ENPP2: variants seen among roughly 807,000 people sequenced by gnomAD.
ENPP2 encodes the protein ectonucleotide pyrophosphatase/phosphodiesterase 2, also known as autotaxin.
Under a neutral mutation model 120.2 loss-of-function variants are expected in ENPP2, and 51 were observed. The observed-to-expected ratio is 0.42, with a 90% CI of 0.34 to 0.54. The LOEUF (loss-of-function observed/expected upper bound fraction) is 0.54. Among genes scored for constraint, ENPP2 ranks in the 20% least tolerant of loss-of-function variants. ENPP2 has a pLI of 0.04. For synonymous variants in ENPP2, 365 were observed against 366.4 expected (o/e 1.00, Z 0.04); for missense variants, 920 against 1,066.5 (o/e 0.86, Z 1.91).
At chr8:119,626,042 GA>G (rs149710626) in intron 3 of ENPP2, among the ~76,000 whole-genome samples, 1 of 151,910 alleles carries the variant, frequency 6.6e-6, no homozygotes, top group Non-Finnish European at 1.5e-5. Context: ...GGGAAAGCAA[GA>G]AAAAAAATTT....
chr8:119,587,172 C>T, intron 13 of ENPP2, 97 bp from the exon 14 acceptor site: 2 of 957,278 alleles, frequency 2.1e-6, no homozygotes, highest in East Asian at 5.2e-5. Flanking sequence ...CTCCTTCCAT[C>T]CCACAGAAGA....
intron 1 of ENPP2, among the ~76,000 whole-genome samples, chr8:119,661,759 G>T (rs930640385): frequency 6.6e-6 from 1 of 152,054 alleles, no homozygotes; most frequent in African/African-American, 2.4e-5. Flanking sequence ...CCAAAATATG[G>T]AATCAAGTTA....
At chr8:119,659,945 C>T (rs1047944350) in intron 1 of ENPP2, among the ~76,000 whole-genome samples, 1 of 152,186 alleles carries the variant, frequency 6.6e-6, no homozygotes. Flanking sequence ...GTCCAGCAAT[C>T]ACTGGATAAA....
At chr8:119,664,815 C>G (rs1189816724) in intron 1 of ENPP2, among the ~76,000 whole-genome samples, 1 of 152,126 alleles carries the variant, frequency 6.6e-6, no homozygotes, top group African/African-American at 2.4e-5. Flanking sequence ...GTGGAACACG[C>G]CTGTAGTCCC....
chr8:119,642,093 C>A (rs898704188), upstream of ENPP2, among the ~76,000 whole-genome samples: 2 of 152,186 alleles, frequency 1.3e-5, no homozygotes, highest in African/African-American at 4.8e-5. Context: ...CTATTTATAA[C>A]TGGATGATGA....
At chr8:119,617,288 A>G in intron 6 of ENPP2, 45 bp from the exon 7 acceptor site, 5 of 1,467,384 alleles carry the variant, frequency 3.4e-6, no homozygotes, top group Non-Finnish European at 4.8e-6. Flanking sequence ...ACCAACAGGA[A>G]TTGCTTATAG....
chr8:119,652,394 T>C (rs1277448800), intron 1 of ENPP2, among the ~76,000 whole-genome samples: 1 of 152,166 alleles, frequency 6.6e-6, no homozygotes, highest in Non-Finnish European at 1.5e-5. Context: ...TAAGATGCCA[T>C]ATCCTGAGAA....
At chr8:119,568,493 G>C (rs1814677420) in intron 21 of ENPP2, among the ~76,000 whole-genome samples, 1 of 151,556 alleles carries the variant, frequency 6.6e-6, no homozygotes, top group Non-Finnish European at 1.5e-5. Context: ...TTTTCTTACT[G>C]TCTACTTCTT....
chr8:119,613,501 A>G lies in ENPP2; in HGVS notation c.777+2764T>C, dbSNP rs150914953. ...AATGTCTTGCATGGTTTAGTCCCTCAGTAAAAATAAATTGAGTTTAATTTA... is the reference window on the plus strand; with the variant it reads ...AATGTCTTGCATGGTTTAGTCCCTCGGTAAAAATAAATTGAGTTTAATTTA... On this transcript the variant is annotated intron_variant, in intron 8 of 24. Transcript: ENST00000075322. Among the ~76,000 whole-genome samples, 841 of 152,316 alleles carry G rather than the reference A, an allele frequency of 5.5e-3. 7 individuals carry two copies. Among genetic ancestry groups the G allele is most frequent in the African/African-American group, 0.019 (773 of 41,580 alleles).
chr8:119,667,152 C>T (rs1818096819), intron 1 of ENPP2, among the ~76,000 whole-genome samples: 1 of 152,158 alleles, frequency 6.6e-6, no homozygotes, highest in African/African-American at 2.4e-5. Flanking sequence ...GGCCACCCAA[C>T]AAAGGACTGG....
chr8:119,589,417 G>T (rs962309695), intron 13 of ENPP2, among the ~76,000 whole-genome samples: 1 of 151,414 alleles, frequency 6.6e-6, no homozygotes, highest in African/African-American at 2.4e-5. Flanking sequence ...CCATGGGAAG[G>T]TTTTTTTTTC....
intron 1 of ENPP2, among the ~76,000 whole-genome samples, chr8:119,665,278 T>C (rs1263811057): frequency 6.6e-6 from 1 of 152,196 alleles, no homozygotes; most frequent in Admixed American, 6.5e-5. Context: ...GTCAAATGGG[T>C]TCACAGTGTA....
intron 21 of ENPP2, among the ~76,000 whole-genome samples, chr8:119,568,656 A>G (rs1265753166): frequency 1.3e-5 from 2 of 152,036 alleles, no homozygotes; most frequent in Non-Finnish European, 1.5e-5. Context: ...GGTGAAGTGC[A>G]GTGGCCTGAT....
intron 1 of ENPP2, among the ~76,000 whole-genome samples, chr8:119,667,209 C>T (rs986521006): frequency 6.6e-6 from 1 of 152,168 alleles, no homozygotes; most frequent in Non-Finnish European, 1.5e-5. Context: ...GAACTTTATA[C>T]ACAGAATCTT....
intron 22 of ENPP2, among the ~76,000 whole-genome samples, chr8:119,566,585 GA>G (rs899387300): frequency 6.6e-6 from 1 of 152,096 alleles, no homozygotes; most frequent in African/African-American, 2.4e-5. Context: ...GAAACAATGA[GA>G]ACAGTCAAAA....
chr8:119,635,666 A>C (rs1177922895), intron 2 of ENPP2, among the ~76,000 whole-genome samples: 1 of 152,246 alleles, frequency 6.6e-6, no homozygotes, highest in Non-Finnish European at 1.5e-5. Flanking sequence ...CCGTCTCATT[A>C]ACCTGAATGC....
intron 19 of ENPP2, among the ~76,000 whole-genome samples, chr8:119,579,882 C>T (rs899181168): frequency 7.9e-5 from 12 of 152,052 alleles, no homozygotes; most frequent in African/African-American, 2.7e-4. Flanking sequence ...TTTCAGAGGG[C>T]TTAAAAGCTA....
At chr8:119,646,348 G>A (rs909460226) in intron 1 of ENPP2, among the ~76,000 whole-genome samples, 2 of 152,116 alleles carry the variant, frequency 1.3e-5, no homozygotes, top group Admixed American at 6.6e-5. Flanking sequence ...GATGAGCAGG[G>A]TTAGAATGAC....
intron 1 of ENPP2, among the ~76,000 whole-genome samples, chr8:119,644,623 T>TATATATATATATATATACAC (rs1563768976): frequency 1.0e-5 from 1 of 97,250 alleles, no homozygotes; most frequent in African/African-American, 4.1e-5. Context: ...TATATATATA[T>TATATATATATATATATACAC]ATACACACAC....
Sources: allele counts gnomAD v4.1 joint callset (sites outside exome capture counted in the v4.1 genomes callset), GRCh38; gene constraint gnomAD v4.1.1; transcripts MANE v1.5; gene names NCBI Gene and HGNC (gene_info 2026-07-23, HGNC 2026-07-21).